The following CDKN2B-AS1 variants were observed in gnomAD, a reference collection of about 807,000 sequenced individuals.
CDKN2B-AS1 encodes CDKN2B antisense RNA 1 (non-protein coding).
intron 4 of CDKN2B-AS1, among the ~76,000 whole-genome samples, chr9:22,116,808 T>C (rs1825961578): frequency 6.6e-6 from 1 of 152,210 alleles, no homozygotes; most frequent in Non-Finnish European, 1.5e-5. Flanking sequence ...GAGATGTTAC[T>C]GGGGAGTTTT....
rs144536060 is a variant in CDKN2B-AS1, at chr9:22,062,767, C to A, written n.438+6380C>A. 2.4e-3 allele frequency among the ~76,000 whole-genome samples: 361 copies of A among 151,802 alleles called. 1 individual carries two copies. The highest frequency in any genetic ancestry group is 8.4e-3 in the African/African-American group (346 of 41,394). ...ATATTGTGTAGTTTTTTTTTTAAAC[C>A]TTTCTCAGCTTTAGTTTCCTTATTT... On this transcript the variant is annotated intron_variant and non_coding_transcript_variant, in intron 4 of 4. Transcript: ENST00000650946.
At chr9:22,057,062 AC>A (rs751643625) in intron 4 of CDKN2B-AS1, among the ~76,000 whole-genome samples, 1 of 152,044 alleles carries the variant, frequency 6.6e-6, no homozygotes, top group Non-Finnish European at 1.5e-5. Flanking sequence ...CCTTTACCCG[AC>A]CCCAAATAGG....
intron 4 of CDKN2B-AS1, among the ~76,000 whole-genome samples, chr9:22,100,690 T>A (rs1442637665): frequency 1.3e-5 from 2 of 152,182 alleles, no homozygotes; most frequent in Non-Finnish European, 2.9e-5. Context: ...AGAAGTAGGA[T>A]GTTGTATGGA....
intron 1 of CDKN2B-AS1, chr9:22,003,066 G>A (rs1026339461): frequency 1.4e-5 from 3 of 212,726 alleles, no homozygotes; most frequent in Admixed American, 1.2e-4. Flanking sequence ...CAGGACTCAT[G>A]AAAATAGTAA....
chr9:22,090,821 T>G (rs1208612414), intron 4 of CDKN2B-AS1, among the ~76,000 whole-genome samples: 1 of 152,222 alleles, frequency 6.6e-6, no homozygotes, highest in Non-Finnish European at 1.5e-5. Context: ...GCAGAAGTTC[T>G]TTAGTTTAAT....
intron 1 of CDKN2B-AS1, chr9:22,004,219 TC>T (rs1287049804): frequency 5.2e-5 from 12 of 232,604 alleles, no homozygotes; most frequent in Admixed American, 5.1e-4. Context: ...AGTAATATGT[TC>T]ATTTTGGGAA....
At chr9:22,049,675 A>T (rs780488000) in intron 3 of CDKN2B-AS1, among the ~76,000 whole-genome samples, 1 of 152,186 alleles carries the variant, frequency 6.6e-6, no homozygotes, top group Non-Finnish European at 1.5e-5. Flanking sequence ...TCACATTAAG[A>T]TCAAGGGCCC....
intron 2 of CDKN2B-AS1, among the ~76,000 whole-genome samples, chr9:22,047,862 T>C (rs569850754): frequency 1.3e-5 from 2 of 152,032 alleles, no homozygotes; most frequent in African/African-American, 2.4e-5. Context: ...TCATGGTTCA[T>C]TGCAGCCTCA....
chr9:22,024,930 C>A (rs549296901), intron 1 of CDKN2B-AS1, among the ~76,000 whole-genome samples: 1 of 152,314 alleles, frequency 6.6e-6, no homozygotes, highest in South Asian at 2.1e-4. Flanking sequence ...GCCAGCAGAC[C>A]AAGGAGTGCT....
At chr9:22,016,455 T>C (rs1821763747) in intron 1 of CDKN2B-AS1, among the ~76,000 whole-genome samples, 1 of 152,066 alleles carries the variant, frequency 6.6e-6, no homozygotes, top group African/African-American at 2.4e-5. Flanking sequence ...TACTTTAAAG[T>C]TCATATGGAA....
At position 22,054,016 on chromosome 9, in the gene CDKN2B-AS1, C is replaced by T. The variant is rs139181595; in HGVS notation, n.303-2236C>T. Among the ~76,000 whole-genome samples, 50 of 152,198 alleles carry T rather than the reference C, an allele frequency of 3.3e-4. No individual in the cohort carries two copies. The East Asian group carries it at 5.6e-3, about 17-fold the overall frequency. ...TGACCTGGGATAAGTTACTGACCCT[C>T]TTTAGGGCTTAGGGTCCTAATCTGC... is the stretch of plus-strand genomic sequence containing the variant. On this transcript the variant is annotated intron_variant and non_coding_transcript_variant, in intron 3 of 4. Coordinates refer to ENST00000650946, the Ensembl canonical transcript of CDKN2B-AS1.
chr9:22,007,749 TGTTA>T (rs1332828225), intron 1 of CDKN2B-AS1, among the ~76,000 whole-genome samples: 3 of 152,328 alleles, frequency 2.0e-5, no homozygotes, highest in South Asian at 2.1e-4. Flanking sequence ...AAATAGCTGC[TGTTA>T]GTATTTCAGA....
intron 4 of CDKN2B-AS1, among the ~76,000 whole-genome samples, chr9:22,090,141 C>T (rs1420876657): frequency 1.3e-5 from 2 of 152,026 alleles, no homozygotes; most frequent in South Asian, 2.1e-4. Flanking sequence ...TCCATGTCCC[C>T]ACAAAGGACA....
At chr9:22,030,261 G>C (rs985729418) in intron 1 of CDKN2B-AS1, 1 of 152,118 alleles carries the variant, frequency 6.6e-6, no homozygotes, top group African/African-American at 2.4e-5. Context: ...TATCATTGGC[G>C]TGGAGGTTAT....
intron 1 of CDKN2B-AS1, among the ~76,000 whole-genome samples, chr9:22,035,019 C>A (rs1822631618): frequency 6.6e-6 from 1 of 152,072 alleles, no homozygotes; most frequent in Admixed American, 6.6e-5. Flanking sequence ...GATAATAAAA[C>A]CTGCTTCACA....
At chr9:22,120,802 CATCA>C (rs1478927039) in intron 4 of CDKN2B-AS1, 4 of 152,056 alleles carry the variant, frequency 2.6e-5, no homozygotes, top group African/African-American at 9.7e-5. Flanking sequence ...TCATCATCAT[CATCA>C]TCATCATCAT....
intron 1 of CDKN2B-AS1, among the ~76,000 whole-genome samples, chr9:22,017,439 A>G (rs926355838): frequency 2.6e-5 from 4 of 152,206 alleles, no homozygotes; most frequent in South Asian, 2.1e-4. Flanking sequence ...CGGACTCTAT[A>G]TGTGCTAGGC....
intron 1 of CDKN2B-AS1, among the ~76,000 whole-genome samples, chr9:22,031,496 T>G (rs1296184490): frequency 1.3e-5 from 2 of 152,234 alleles, no homozygotes; most frequent in Admixed American, 1.3e-4. Context: ...CTGATACTCA[T>G]GCTTTCTTTA....
chr9:22,094,826 C>G (rs1471412276), intron 4 of CDKN2B-AS1, among the ~76,000 whole-genome samples: 1 of 144,446 alleles, frequency 6.9e-6, no homozygotes, highest in Non-Finnish European at 1.5e-5. Context: ...CAAAGTCATT[C>G]TCCATCCAGC....
Sources: gnomAD v4.1 joint callset for allele counts (sites outside exome capture counted in the v4.1 genomes callset) on GRCh38, gnomAD v4.1.1 for gene constraint, MANE v1.5 for transcripts, NCBI Gene and HGNC (gene_info 2026-07-23, HGNC 2026-07-21) for gene names.